DNAJC6: variants seen among roughly 807,000 people sequenced by gnomAD.
DNAJC6 encodes the protein DnaJ heat shock protein family (Hsp40) member C6.
In DNAJC6, 34 loss-of-function variants were observed where a neutral mutation model predicts 110.0. That is an observed-to-expected ratio of 0.31 (90% CI 0.24 to 0.41). DNAJC6 has a LOEUF of 0.41. Ranked by LOEUF, DNAJC6 falls within the 10% of genes least tolerant of loss-of-function variation. The pLI is 1.00. For missense variants in DNAJC6, 1,031 were observed against 1,207.8 expected (o/e 0.85, Z 2.17); for synonymous variants, 406 against 437.2 (o/e 0.93, Z 0.89).
chr1:65,339,620 G>T (rs1259455319), intron 1 of DNAJC6, among the ~76,000 whole-genome samples: 1 of 152,192 alleles, frequency 6.6e-6, no homozygotes, highest in African/African-American at 2.4e-5. Flanking sequence ...TTGGCACTGT[G>T]TATGGAGTCT....
chr1:65,286,706 A>C (rs975096078), intron 1 of DNAJC6, among the ~76,000 whole-genome samples: 5 of 152,214 alleles, frequency 3.3e-5, no homozygotes, highest in African/African-American at 1.2e-4. Context: ...AATCTTAAGT[A>C]TACGAAACAG....
upstream of DNAJC6, chr1:65,306,451 C>T (rs975230792): frequency 2.0e-5 from 3 of 152,130 alleles, no homozygotes; most frequent in Non-Finnish European, 4.4e-5. Flanking sequence ...CTTAGCCCAC[C>T]CCAAAAGTGA....
intron 1 of DNAJC6, among the ~76,000 whole-genome samples, chr1:65,340,736 G>C (rs1198374375): frequency 6.6e-6 from 1 of 152,112 alleles, no homozygotes; most frequent in Non-Finnish European, 1.5e-5. Flanking sequence ...TAGCTTCTCT[G>C]CCTCTCTCCC....
intron 1 of DNAJC6, among the ~76,000 whole-genome samples, chr1:65,269,397 A>G (rs947874725): frequency 7.2e-5 from 11 of 152,070 alleles, no homozygotes; most frequent in Non-Finnish European, 1.0e-4. Flanking sequence ...GTCTATGCCA[A>G]TGGTTCCTGA....
At chr1:65,325,535 AT>A (rs942832957) in intron 1 of DNAJC6, among the ~76,000 whole-genome samples, 1 of 152,126 alleles carries the variant, frequency 6.6e-6, no homozygotes, top group African/African-American at 2.4e-5. Context: ...GCTCAATGAA[AT>A]TTGCATTCTT....
At chr1:65,410,525 A>C (rs1305981151) in intron 17 of DNAJC6, among the ~76,000 whole-genome samples, 1 of 152,176 alleles carries the variant, frequency 6.6e-6, no homozygotes, top group African/African-American at 2.4e-5. Flanking sequence ...CAGGGTATGT[A>C]ATTGTTTGGG....
At chr1:65,341,875 C>G (rs894214920) in intron 1 of DNAJC6, among the ~76,000 whole-genome samples, 2 of 152,046 alleles carry the variant, frequency 1.3e-5, no homozygotes, top group African/African-American at 4.8e-5. Context: ...TTTGTGGGAC[C>G]AAGTCCGTAT....
At chr1:65,401,399 A>C (rs1646029190) in intron 14 of DNAJC6, among the ~76,000 whole-genome samples, 1 of 152,228 alleles carries the variant, frequency 6.6e-6, no homozygotes, top group Non-Finnish European at 1.5e-5. Flanking sequence ...CAAAGATGTT[A>C]AGCAAGATTC....
At chr1:65,317,699 C>T (rs1396754262) in intron 1 of DNAJC6, among the ~76,000 whole-genome samples, 2 of 152,132 alleles carry the variant, frequency 1.3e-5, no homozygotes, top group South Asian at 4.1e-4. Context: ...GTTTGGCATA[C>T]ATTGTAAGCC....
chr1:65,392,666 C>G lies in DNAJC6; in HGVS notation c.1704C>G (p.Phe568Leu). 4 of 1,612,956 alleles carry G rather than the reference C, an allele frequency of 2.5e-6. No homozygotes were observed. The highest frequency in any genetic ancestry group is 2.5e-6 in the Non-Finnish European group (3 of 1,179,438). ...AAGGGTCTGCAATGAGTAACAGCTT[C>G]TCTCCGCCAGCGGCTCCTCCCACCA... ...GLEGSAMSNS[F>L]SPPAAPPTNS... The change falls in exon 12 of 19, where the codon TTC becomes TTG. Residue 568 changes from phenylalanine to leucine, a missense_variant. Physicochemically the swap from Phe to Leu is conservative, Grantham distance 22. Coordinates refer to ENST00000371069, the MANE Select transcript of DNAJC6 (RefSeq NM_001256864.2).
chr1:65,319,860 C>T (rs1645182152), intron 1 of DNAJC6, among the ~76,000 whole-genome samples: 3 of 152,138 alleles, frequency 2.0e-5, no homozygotes, highest in Admixed American at 2.0e-4. Flanking sequence ...CACCCATCTT[C>T]AACTTCCTTA....
intron 1 of DNAJC6, among the ~76,000 whole-genome samples, chr1:65,355,246 G>C (rs569415199): frequency 6.9e-4 from 84 of 122,350 alleles, no homozygotes; most frequent in African/African-American, 2.7e-3. Flanking sequence ...GCCTGGGCAA[G>C]AGAGCCACAC....
chr1:65,397,822 A>G (rs1645993836), intron 13 of DNAJC6, among the ~76,000 whole-genome samples: 1 of 152,196 alleles, frequency 6.6e-6, no homozygotes, highest in Non-Finnish European at 1.5e-5. Context: ...TAACTTAATG[A>G]TGGGAAGGTA....
At chr1:65,371,472 A>G (rs560585825) in intron 4 of DNAJC6, among the ~76,000 whole-genome samples, 36 of 152,326 alleles carry the variant, frequency 2.4e-4, no homozygotes, top group African/African-American at 7.9e-4. Context: ...AGTAGTAGCT[A>G]TGATTAACAT....
chr1:65,281,175 C>T (rs992422807), intron 1 of DNAJC6, among the ~76,000 whole-genome samples: 2 of 152,106 alleles, frequency 1.3e-5, no homozygotes, highest in Non-Finnish European at 2.9e-5. Flanking sequence ...GATGTGCCCA[C>T]CTTGGCCTCC....
intron 1 of DNAJC6, among the ~76,000 whole-genome samples, chr1:65,346,820 C>G (rs1645441152): frequency 6.6e-6 from 1 of 151,990 alleles, no homozygotes; most frequent in African/African-American, 2.4e-5. Context: ...GACTAAAATG[C>G]CCTTCAGCCC....
chr1:65,336,988 C>T lies in DNAJC6; in HGVS notation c.193+27050C>T, dbSNP rs138931808. Among the ~76,000 whole-genome samples the T allele has an allele frequency of 5.2e-3, 790 of 151,768 alleles. 6 individuals are homozygous for T. Among genetic ancestry groups the T allele is most frequent in the Admixed American group, 0.014 (220 of 15,240 alleles). Reference sequence around the variant, plus strand: ...GTTTCTTCTCTATGTCTCTTTTGTTCCTGTGTAATTTTTGTTGTTGTTGTT... The same window carrying T: ...GTTTCTTCTCTATGTCTCTTTTGTTTCTGTGTAATTTTTGTTGTTGTTGTT... On this transcript the variant is annotated intron_variant, in intron 1 of 18. Transcript: ENST00000371069.
chr1:65,397,353 C>A (rs983620452), intron 13 of DNAJC6, among the ~76,000 whole-genome samples: 14 of 152,100 alleles, frequency 9.2e-5, no homozygotes, highest in African/African-American at 3.4e-4. Flanking sequence ...TGCCTTTGGG[C>A]TCAACAAATA....
At chr1:65,273,350 G>A (rs1224405434) in intron 1 of DNAJC6, among the ~76,000 whole-genome samples, 1 of 152,150 alleles carries the variant, frequency 6.6e-6, no homozygotes, top group Non-Finnish European at 1.5e-5. Context: ...TGTAATCCCA[G>A]CACTTTTGGA....
Sources: gnomAD v4.1 joint callset for allele counts (sites outside exome capture counted in the v4.1 genomes callset) on GRCh38, gnomAD v4.1.1 for gene constraint, MANE v1.5 for transcripts, NCBI Gene and HGNC (gene_info 2026-07-23, HGNC 2026-07-21) for gene names.